The following SH3BP5 variants were observed in gnomAD, a reference collection of about 807,000 sequenced individuals.
SH3BP5 encodes SH3 domain-binding protein 5.
SH3BP5 carries 22 observed loss-of-function variants against 43.3 expected under a neutral mutation model. The ratio of observed to expected loss-of-function variants is 0.51; its 90% CI spans 0.36 to 0.73. SH3BP5 has a LOEUF of 0.73. Ranked by LOEUF, SH3BP5 falls within the 30% of genes least tolerant of loss-of-function variation. The pLI, the probability that SH3BP5 is intolerant of heterozygous loss-of-function variation, is 0.00. For synonymous variants in SH3BP5, 255 were observed against 225.8 expected (o/e 1.13, Z -1.16); for missense variants, 529 against 586.9 (o/e 0.90, Z 1.02).
At chr3:15,288,046 G>A (rs943183470) in intron 3 of SH3BP5, among the ~76,000 whole-genome samples, 4 of 152,182 alleles carry the variant, frequency 2.6e-5, no homozygotes, top group Non-Finnish European at 5.9e-5. Context: ...AAAATCTGCA[G>A]AGCTCAAAAT....
Position 15,304,139 on chromosome 3 carries a change from G to C in SH3BP5, c.294C>G (p.Ser98=). 1 of 1,614,164 alleles carries C rather than the reference G, an allele frequency of 6.2e-7. No homozygotes were observed. Among genetic ancestry groups the C allele is most frequent in the Non-Finnish European group, 8.5e-7 (1 of 1,180,036 alleles). The change falls in exon 3 of 9, where the codon TCC becomes TCG. Residue 98 remains serine (S), a synonymous_variant. Transcript: ENST00000383791. ...VKKIGKAVED[S]KPYWEARRVA... The stretch of plus-strand genomic sequence containing the variant: ...CCCTCCGTGCCTCCCAGTAGGGCTT[G>C]GAGTCTTCCACAGCTTTGCCAATTT...
chr3:15,304,168 T>G lies in SH3BP5; in HGVS notation c.265A>C (p.Lys89Gln). The change falls in exon 3 of 9, where the codon AAG becomes CAG. Residue 89 changes from lysine (K) to glutamine (Q), a missense_variant. By Grantham distance (53) the Lys-to-Gln change is moderately conservative. Around this residue, in one of 3 missense-constraint regions of SH3BP5, gnomAD observed 85 missense variants for 140.8 expected, o/e 0.60. Coordinates refer to ENST00000383791, the MANE Select transcript of SH3BP5 (RefSeq NM_004844.5). ...EATVKLDELVKKIGKAVEDSK... is the reference protein window; with the variant it reads ...EATVKLDELVQKIGKAVEDSK... ...TCTTCCACAGCTTTGCCAATTTTCT[T>G]CACCAGTTCATCCAGTTTCACCGTT... is the stretch of plus-strand genomic sequence containing the variant. The G allele has an allele frequency of 6.2e-7, 1 of 1,614,168 alleles. No individual in the cohort carries two copies. The highest frequency in any genetic ancestry group is 8.5e-7 in the Non-Finnish European group (1 of 1,180,020).
At chr3:15,269,633 G>T (rs1057153427) in intron 4 of SH3BP5, 80 bp downstream of exon 4, 1 of 1,408,698 alleles carries the variant, frequency 7.1e-7, no homozygotes, top group South Asian at 1.5e-5. Flanking sequence ...CCTGGGAGTC[G>T]AGTCTGTTAC....
At chr3:15,303,998 G>T in intron 3 of SH3BP5, 105 bp downstream of exon 3, 2 of 892,260 alleles carry the variant, frequency 2.2e-6, no homozygotes, top group Non-Finnish European at 3.6e-6. Context: ...AAGACATATT[G>T]GACTCGAGCT....
At chr3:15,297,613 C>T (rs1404246079) in intron 3 of SH3BP5, among the ~76,000 whole-genome samples, 1 of 152,096 alleles carries the variant, frequency 6.6e-6, no homozygotes, top group African/African-American at 2.4e-5. Context: ...TGACTTTAGC[C>T]CGTAAGATGT....
chr3:15,269,796 G>A lies in SH3BP5; in HGVS notation c.412C>T (p.Leu138=), dbSNP rs748813679. 4 of 1,611,878 alleles carry A rather than the reference G, an allele frequency of 2.5e-6. No individual in the cohort carries two copies. Among genetic ancestry groups the A allele is most frequent in the Non-Finnish European group, 3.4e-6 (4 of 1,178,566 alleles). The change falls in exon 4 of 9, where the codon CTG becomes TTG. Residue 138 remains leucine (L), a synonymous_variant. Transcript: ENST00000383791. ...VLRAAKETIS[L]AEQRLLEDDK... ...TCCTCCAGCAGCCGCTGCTCGGCCA[G>A]GGAGATGGTCTCCTTGGCGGCACGG...
chr3:15,330,423 G>A, intron 2 of SH3BP5, 81 bp downstream of exon 2: 1 of 1,174,154 alleles, frequency 8.5e-7, no homozygotes, highest in Non-Finnish European at 1.3e-6. Flanking sequence ...TAACACTCCA[G>A]CTATGAAGAC....
intron 4 of SH3BP5, among the ~76,000 whole-genome samples, chr3:15,267,512 CG>C (rs772975198): frequency 1.1e-4 from 17 of 152,192 alleles, no homozygotes; most frequent in Non-Finnish European, 2.2e-4. Flanking sequence ...GCATGTGACC[CG>C]GAACACCTGC....
chr3:15,272,993 C>G, intron 3 of SH3BP5: 2 of 259,796 alleles, frequency 7.7e-6, no homozygotes, highest in Non-Finnish European at 1.2e-5. Context: ...GTTCTTAGTT[C>G]TTTCATGTGA....
At chr3:15,259,699 G>T in intron 6 of SH3BP5, 62 bp downstream of exon 6, 1 of 1,499,892 alleles carries the variant, frequency 6.7e-7, no homozygotes, top group Non-Finnish European at 9.3e-7. Context: ...TGCTACCCCA[G>T]AAAAGTGAAG....
Position 15,282,934 on chromosome 3 carries a change from T to A in SH3BP5, c.331-13057A>T, listed in dbSNP as rs115196969. Among the ~76,000 whole-genome samples, 797 of 152,238 alleles carry A rather than the reference T, an allele frequency of 5.2e-3. 8 individuals carry two copies. The highest frequency in any genetic ancestry group is 0.018 in the African/African-American group (731 of 41,532). On this transcript the variant is annotated intron_variant, in intron 3 of 8. Transcript: ENST00000383791. ...GCAGAAATTCCATAATAAAAAGTTG[T>A]AAAGAAATATTTTTTGAAGGCGTTG... is the stretch of plus-strand genomic sequence containing the variant.
In SH3BP5 at chr3:15,309,914, C is replaced by CG. The variant is rs1387605956; in HGVS notation, c.202-5684_202-5683insC. Among the ~76,000 whole-genome samples the CG allele has an allele frequency of 1.2e-4, 18 of 151,416 alleles. 1 individual carries two copies. Among genetic ancestry groups the CG allele is most frequent in the African/African-American group, 3.7e-4 (15 of 41,032 alleles). On this transcript the variant is annotated intron_variant, in intron 2 of 8. Coordinates refer to ENST00000383791, the MANE Select transcript of SH3BP5 (RefSeq NM_004844.5). ...CCAGTCTTCCCCGCTCCACCCCCCC[C>CG]CCATAAGAAAAAGCCCACCCAGTTG...
chr3:15,294,334 C>T (rs60191408), intron 3 of SH3BP5, among the ~76,000 whole-genome samples: 22,513 of 138,660 alleles, frequency 0.16, 2,342 homozygotes, highest in African/African-American at 0.35. Context: ...TGTGTGTGCG[C>T]GCGCATGTTT....
At chr3:15,281,596 A>C (rs1017556722) in intron 3 of SH3BP5, among the ~76,000 whole-genome samples, 2 of 152,172 alleles carry the variant, frequency 1.3e-5, no homozygotes, top group Non-Finnish European at 2.9e-5. Context: ...GGTTGCGAGC[A>C]TAACACCCAC....
intron 3 of SH3BP5, among the ~76,000 whole-genome samples, chr3:15,288,359 A>G (rs1461372540): frequency 6.6e-6 from 1 of 152,252 alleles, no homozygotes; most frequent in South Asian, 2.1e-4. Context: ...CACATGTACT[A>G]AAGTTTTTGA....
chr3:15,305,522 A>G (rs1185958832), intron 2 of SH3BP5, among the ~76,000 whole-genome samples: 4 of 152,230 alleles, frequency 2.6e-5, no homozygotes, highest in African/African-American at 7.2e-5. Context: ...TCGCCATGGA[A>G]CTCAGCAGGG....
At chr3:15,312,620 C>G (rs1260936519) in intron 2 of SH3BP5, among the ~76,000 whole-genome samples, 4 of 152,136 alleles carry the variant, frequency 2.6e-5, no homozygotes, top group East Asian at 1.9e-4. Flanking sequence ...CTTCTCAGAT[C>G]TTTTTTAAAT....
At chr3:15,315,568 C>T (rs1249553978) in intron 2 of SH3BP5, among the ~76,000 whole-genome samples, 1 of 152,176 alleles carries the variant, frequency 6.6e-6, no homozygotes, top group Non-Finnish European at 1.5e-5. Context: ...CTTCAAGTTT[C>T]CCTCCTCTGA....
At chr3:15,309,906 A>ACCCCC (rs67572916) in intron 2 of SH3BP5, among the ~76,000 whole-genome samples, 3 of 125,846 alleles carry the variant, frequency 2.4e-5, no homozygotes, top group Non-Finnish European at 3.4e-5. Context: ...TCCCCGCTCC[A>ACCCCC]CCCCCCCCCC....
Sources: gnomAD v4.1 joint callset for allele counts (sites outside exome capture counted in the v4.1 genomes callset) on GRCh38, gnomAD v4.1.1 for gene constraint, gnomAD v4.1.1 regional missense constraint, MANE v1.5 for transcripts, NCBI Gene and HGNC (gene_info 2026-07-23, HGNC 2026-07-21) for gene names.